Variants in TBX5 observed in about 807,000 individuals in gnomAD.
The protein encoded by TBX5 is T-box transcription factor TBX5.
Under a neutral mutation model 51.1 loss-of-function variants are expected in TBX5, and 8 were observed. The observed-to-expected ratio is 0.16, with a 90% CI of 0.09 to 0.28. The LOEUF (loss-of-function observed/expected upper bound fraction) is 0.28, where lower values mean the gene tolerates loss of function less well. Ranked by LOEUF, TBX5 falls within the 10% of genes least tolerant of loss-of-function variation. TBX5 has a pLI of 1.00. For synonymous variants in TBX5, 302 were observed against 266.4 expected (o/e 1.13, Z -1.30); for missense variants, 589 against 671.7 (o/e 0.88, Z 1.36).
chr12:114,363,652 T>C (rs1434451858), intron 8 of TBX5, among the ~76,000 whole-genome samples: 1 of 151,870 alleles, frequency 6.6e-6, no homozygotes, highest in African/African-American at 2.4e-5. Context: ...CGGTATAGAG[T>C]AGTGGTGAAA....
rs775593443 is a variant in TBX5 at position 114,399,603 on chromosome 12, A to G, written c.272T>C (p.Val91Ala). 24 of 1,614,030 alleles carry G rather than the reference A, an allele frequency of 1.5e-5. No homozygotes were observed. Among genetic ancestry groups the G allele is most frequent in the Non-Finnish European group, 2.0e-5 (24 of 1,180,046 alleles). ...CTTCGTTTTGGGATTAAGGCCCGTC[A>G]CCTTCACTTTGTAACTGGGAAACAT... ...RRMFPSYKVK[V>A]TGLNPKTKYI... The change falls in exon 4 of 9, where the codon GTG becomes GCG. Residue 91 changes from valine to alanine, a missense_variant. Coordinates refer to ENST00000405440, the MANE Select transcript of TBX5 (RefSeq NM_181486.4).
intron 7 of TBX5, among the ~76,000 whole-genome samples, chr12:114,374,135 A>G (rs1382753488): frequency 6.6e-6 from 1 of 152,258 alleles, no homozygotes; most frequent in Admixed American, 6.5e-5. Flanking sequence ...ACCCAAAGCA[A>G]CTATTTCTGA....
chr12:114,387,115 A>AC (rs766214155), intron 6 of TBX5, among the ~76,000 whole-genome samples: 7 of 149,534 alleles, frequency 4.7e-5, no homozygotes, highest in East Asian at 1.9e-4. Context: ...CAAAAAAAAA[A>AC]CAAAAAACAA....
rs528390718 is a variant in TBX5 at position 114,394,247 on chromosome 12, C to A, written c.663+494G>T. On this transcript the variant is annotated intron_variant, in intron 6 of 8. Coordinates refer to ENST00000405440, the MANE Select transcript of TBX5 (RefSeq NM_181486.4). The stretch of plus-strand genomic sequence containing the variant: ...AGAGGATCTCTTGAGCCTGGGAAGT[C>A]AAGGCTGCAGTGAGCCATGATTGTG... Among the ~76,000 whole-genome samples the A allele has an allele frequency of 3.1e-4, 47 of 152,268 alleles. 1 individual carries two copies. The South Asian group carries it at 6.0e-3, about 19-fold the overall frequency.
At chr12:114,405,275 A>G (rs1370156037) in intron 1 of TBX5, among the ~76,000 whole-genome samples, 1 of 151,890 alleles carries the variant, frequency 6.6e-6, no homozygotes, top group East Asian at 1.9e-4. Flanking sequence ...CCTACTCACA[A>G]CAAAAGAAAG....
rs1411518530 is a variant in TBX5 at position 114,399,545 on chromosome 12, G to C, written c.330C>G (p.Asp110Glu). 2 of 1,614,070 alleles carry C rather than the reference G, an allele frequency of 1.2e-6. No individual in the cohort carries two copies. Among genetic ancestry groups the C allele is most frequent in the Non-Finnish European group, 1.7e-6 (2 of 1,180,040 alleles). Residue 110 changes from aspartate to glutamate, a missense_variant, in exon 4 of 9, where the codon GAC becomes GAG. Physicochemically the swap from Asp to Glu is conservative, Grantham distance 45 (BLOSUM62 2). Coordinates refer to ENST00000405440, the MANE Select transcript of TBX5 (RefSeq NM_181486.4). ...YILLMDIVPA[D>E]DHRYKFADNK... Reference sequence around the variant, plus strand: ...TATCTGCGAATTTGTATCTGTGATCGTCGGCAGGTACAATGTCCATGAGAA... The same window carrying C: ...TATCTGCGAATTTGTATCTGTGATCCTCGGCAGGTACAATGTCCATGAGAA...
At chr12:114,370,850 T>C (rs1869863419) in intron 7 of TBX5, among the ~76,000 whole-genome samples, 1 of 152,110 alleles carries the variant, frequency 6.6e-6, no homozygotes, top group Admixed American at 6.5e-5. Context: ...AGTTCTTTAG[T>C]GGTGACTTCT....
At chr12:114,367,339 C>T (rs1869602965) in intron 7 of TBX5, among the ~76,000 whole-genome samples, 1 of 152,160 alleles carries the variant, frequency 6.6e-6, no homozygotes, top group Admixed American at 6.5e-5. Context: ...CCCTTACAGG[C>T]TGTGTGTCCA....
At chr12:114,400,128 C>G (rs535549820) in intron 3 of TBX5, among the ~76,000 whole-genome samples, 1 of 152,280 alleles carries the variant, frequency 6.6e-6, no homozygotes, top group East Asian at 1.9e-4. Context: ...CGCGTGGGTG[C>G]GCCCAGGCTT....
rs575329949 is a variant in TBX5 at position 114,393,292 on chromosome 12, C to T, written c.663+1449G>A. Among the ~76,000 whole-genome samples the T allele has an allele frequency of 1.5e-4, 23 of 152,146 alleles. No homozygotes were observed. The East Asian group carries it at 4.3e-3, about 28-fold the overall frequency. Reference sequence around the variant, plus strand: ...AGAAAAGGGAGGGGCACACCATCTCCACATCCATCTAGGTGACCTGCCCTC... The same window carrying T: ...AGAAAAGGGAGGGGCACACCATCTCTACATCCATCTAGGTGACCTGCCCTC... On this transcript the variant is annotated intron_variant, in intron 6 of 8. Transcript: ENST00000405440.
At chr12:114,371,134 G>A (rs1869879056) in intron 7 of TBX5, among the ~76,000 whole-genome samples, 1 of 152,020 alleles carries the variant, frequency 6.6e-6, no homozygotes, top group Non-Finnish European at 1.5e-5. Context: ...GCTCCACCCG[G>A]GCAATATCAA....
Position 114,355,221 on chromosome 12 carries a change from G to A in TBX5, c.*311C>T, listed in dbSNP as rs1868807084. 1 of 431,360 alleles carries A rather than the reference G, an allele frequency of 2.3e-6. No homozygotes were observed. The highest frequency in any genetic ancestry group is 4.3e-6 in the Non-Finnish European group (1 of 230,268). 26.7% of individuals were successfully genotyped at this position (431,360 alleles called of 1,614,324 possible). On this transcript the variant is annotated 3_prime_UTR_variant, in exon 9 of 9. Coordinates refer to ENST00000405440, the MANE Select transcript of TBX5 (RefSeq NM_181486.4). ...TTCTAGAGCCCAAAAGAAGGAATGG[G>A]GGAAGAGATCTGGGGAGTAGCGTGA... is the stretch of plus-strand genomic sequence containing the variant.
At chr12:114,366,095 C>T in intron 8 of TBX5, 70 bp downstream of exon 8, 1 of 1,479,518 alleles carries the variant, frequency 6.8e-7, no homozygotes, top group South Asian at 1.1e-5. Flanking sequence ...CTCCTCACCC[C>T]CTCACCCCCA....
intron 7 of TBX5, among the ~76,000 whole-genome samples, chr12:114,372,479 A>ATT (rs35549331): frequency 9.7e-4 from 140 of 144,618 alleles, no homozygotes; most frequent in East Asian, 9.2e-3. Flanking sequence ...CAATAGTTGT[A>ATT]TTTTTTTTTT....
At chr12:114,375,309 A>G (rs908916609) in intron 7 of TBX5, among the ~76,000 whole-genome samples, 2 of 152,222 alleles carry the variant, frequency 1.3e-5, no homozygotes, top group African/African-American at 4.8e-5. Flanking sequence ...TTTCTGACCC[A>G]TCCCTGAAGC....
intron 7 of TBX5, among the ~76,000 whole-genome samples, chr12:114,376,844 G>T (rs948788406): frequency 4.6e-5 from 7 of 151,666 alleles, no homozygotes; most frequent in Admixed American, 3.3e-4. Flanking sequence ...AACACAGATG[G>T]GTGAGTGAGT....
chr12:114,355,163 G>A lies in TBX5; in HGVS notation c.*369C>T, dbSNP rs906005397. ...CAAGACAGGGACAGACTCCAACTAC[G>A]CACTAGGGAAAAACACTCAATGAGG... is the stretch of plus-strand genomic sequence containing the variant. On this transcript the variant is annotated 3_prime_UTR_variant, in exon 9 of 9. Transcript: ENST00000405440. The A allele has an allele frequency of 8.2e-6, 3 of 364,242 alleles. No homozygotes were observed. Among genetic ancestry groups the A allele is most frequent in the African/African-American group, 2.1e-5 (1 of 47,200 alleles). 22.6% of individuals were successfully genotyped at this position (364,242 alleles called of 1,614,324 possible). A position where few individuals can be genotyped will look rare whatever the true frequency, so the allele number is the denominator to read the frequency against.
intron 7 of TBX5, among the ~76,000 whole-genome samples, chr12:114,370,272 AG>A (rs773308639): frequency 1.8e-4 from 15 of 82,864 alleles, no homozygotes; most frequent in Admixed American, 6.8e-4. Flanking sequence ...AGAAAAGAAA[AG>A]AAAAGAAAAG....
chr12:114,373,799 A>ATAGTCTAG (rs1483736803), intron 7 of TBX5, among the ~76,000 whole-genome samples: 2 of 152,278 alleles, frequency 1.3e-5, no homozygotes, highest in Non-Finnish European at 2.9e-5. Context: ...AATTCATCAA[A>ATAGTCTAG]TAGTCTAGTA....
Sources: gnomAD v4.1 joint callset for allele counts (sites outside exome capture counted in the v4.1 genomes callset) on GRCh38, gnomAD v4.1.1 for gene constraint, MANE v1.5 for transcripts, NCBI Gene and HGNC (gene_info 2026-07-23, HGNC 2026-07-21) for gene names.